Variants in MYCL observed in about 807,000 individuals in gnomAD.
MYCL encodes MYCL proto-oncogene, bHLH transcription factor, also known as protein L-Myc.
In MYCL, 11 loss-of-function variants were observed where a neutral mutation model predicts 31.0. That is an observed-to-expected ratio of 0.35 (90% confidence interval 0.22 to 0.59). The LOEUF (loss-of-function observed/expected upper bound fraction) is 0.59, where lower values mean the gene tolerates loss of function less well. Among genes scored for constraint, MYCL ranks in the 20% least tolerant of loss-of-function variants. The pLI, the probability that MYCL is intolerant of heterozygous loss-of-function variation, is 0.79. For missense variants in MYCL, 427 were observed against 486.1 expected (o/e 0.88, Z 1.14); for synonymous variants, 208 against 202.4 (o/e 1.03, Z -0.23).
rs762004670 is a variant in MYCL, at chr1:39,897,461, C to A, written c.1006G>T (p.Ala336Ser). The stretch of plus-strand genomic sequence containing the variant: ...TTCTCTGTAGCCATCCTCTTCTCAG[C>A]CCCCACCAGGGCTTGCAAGTATTCC... ...ALEYLQALVG[A>S]EKRMATEKRQ... Residue 336 changes from alanine (A) to serine (S), a missense_variant, in exon 2 of 2, where the codon GCT (alanine) becomes TCT (serine). Physicochemically the swap from Ala to Ser is moderately conservative, Grantham distance 99. Transcript: ENST00000372816. This position sits in a 1 kb window ranked among gnomAD's most constrained non-coding sequence, Gnocchi z 4.3. The A allele has an allele frequency of 1.9e-6, 3 of 1,614,184 alleles. No homozygotes were observed. In the Admixed American group the frequency reaches 5.0e-5, roughly 27 times the overall value.
chr1:39,898,958 C>A, intron 1 of MYCL: 1 of 985,480 alleles, frequency 1.0e-6, no homozygotes, highest in Non-Finnish European at 1.2e-6. Context: ...GGATCTCGGC[C>A]TCGCAAAGGA....
In MYCL at chr1:39,896,341, T is replaced by G. The variant is rs1314303164; in HGVS notation, c.*1031A>C. 5.1e-6 allele frequency: 1 copy of G among 197,804 alleles called. No homozygotes were observed. Among genetic ancestry groups the G allele is most frequent in the Non-Finnish European group, 1.0e-5 (1 of 95,598 alleles). 12.3% of individuals were successfully genotyped at this position (197,804 alleles called of 1,614,324 possible). ...CTTGGAATTGCATGAGGAGGACAGA[T>G]TTGCATGGTTCCAGAAGAACTTCAA... is the stretch of plus-strand genomic sequence containing the variant. On this transcript the variant is annotated 3_prime_UTR_variant, in exon 2 of 2. Transcript: ENST00000372816.
In MYCL at chr1:39,901,795, C is replaced by A; in HGVS notation, c.-361G>T. ...GGGACCCGCGCCCGTGCCCTGGCCACCCGCAGCCTCACCTCGCTCCAGCCG... is the reference window on the plus strand; with the variant it reads ...GGGACCCGCGCCCGTGCCCTGGCCAACCGCAGCCTCACCTCGCTCCAGCCG... On this transcript the variant is annotated 5_prime_UTR_variant, in exon 1 of 2. Transcript: ENST00000372816. The surrounding 1 kb of genome is among the most constrained non-coding windows in gnomAD (Gnocchi z 6.9). 1 of 1,279,458 alleles carries A rather than the reference C, an allele frequency of 7.8e-7. No homozygotes were observed. The highest frequency in any genetic ancestry group is 1.0e-6 in the Non-Finnish European group (1 of 1,002,572). The allele number at this position is 1,279,458 out of a possible 1,614,324, so 79.3% of individuals were successfully genotyped here.
rs1644542955 is a variant in MYCL, at chr1:39,901,729, G to C, written c.-295C>G. ...GGGCCCGGCGGGGCCGGGCGGGGGC[G>C]CGCCGTGCCCAGAAGGCAGCCTGCA... On this transcript the variant is annotated 5_prime_UTR_variant, in exon 1 of 2. Transcript: ENST00000372816. The surrounding 1 kb of genome is among the most constrained non-coding windows in gnomAD (Gnocchi z 6.9). 8 of 1,211,712 alleles carry C rather than the reference G, an allele frequency of 6.6e-6. No homozygotes were observed. The highest frequency in any genetic ancestry group is 8.2e-6 in the Non-Finnish European group (8 of 978,472). 75.1% of individuals were successfully genotyped at this position (1,211,712 alleles called of 1,614,324 possible).
intron 1 of MYCL, chr1:39,898,998 CA>C: frequency 1.1e-5 from 11 of 985,428 alleles, no homozygotes; most frequent in Non-Finnish European, 1.3e-5. Context: ...CTTTGCATAT[CA>C]GGAAGCTTGA....
At chr1:39,900,320 C>T (rs1166756388) in intron 1 of MYCL, 4 of 985,506 alleles carry the variant, frequency 4.1e-6, no homozygotes, top group African/African-American at 1.7e-5. Flanking sequence ...AAAGCTGGAG[C>T]TGACTTGTAG....
rs1049132653 is a variant in MYCL at position 39,901,235 on chromosome 1, C to T, written c.200G>A (p.Gly67Glu). The T allele has an allele frequency of 6.2e-7, 1 of 1,610,346 alleles. No homozygotes were observed. The highest frequency in any genetic ancestry group is 8.5e-7 in the Non-Finnish European group (1 of 1,178,550). The change falls in exon 1 of 2, where the codon GGG becomes GAG. Residue 67 changes from glycine (G) to glutamate (E), a missense_variant. Transcript: ENST00000372816. The surrounding 1 kb of genome is among the most constrained non-coding windows in gnomAD (Gnocchi z 6.9). ...GGATTCCGCTTCGTCTCCGGTGCAC[C>T]CTCCGGGCCACGGCTCCGGGGGACC... ...GIGPPEPWPG[G>E]CTGDEAESRG...
At chr1:39,900,777 T>C (rs1383408819) in intron 1 of MYCL, 162 bp downstream of exon 1, 6 of 1,432,268 alleles carry the variant, frequency 4.2e-6, no homozygotes, top group Non-Finnish European at 5.5e-6. Context: ...CACACCCACG[T>C]GCCAGACAGA....
chr1:39,900,451 T>G, intron 1 of MYCL: 7 of 999,746 alleles, frequency 7.0e-6, no homozygotes, highest in Non-Finnish European at 6.0e-6. Flanking sequence ...GAAGAGGGCA[T>G]TTATTATTGG....
chr1:39,901,835 C>A lies in MYCL; in HGVS notation c.-401G>T. ...CGCTCCAGCCGCCCGCCACCTGGAG[C>A]GGACCGGCTCCCCGCCGGCTCGGGG... On this transcript the variant is annotated 5_prime_UTR_variant, in exon 1 of 2. Transcript: ENST00000372816. The surrounding 1 kb of genome is among the most constrained non-coding windows in gnomAD (Gnocchi z 6.9). 1.6e-6 allele frequency: 2 copies of A among 1,264,726 alleles called. No homozygotes were observed. The highest frequency in any genetic ancestry group is 1.9e-5 in the South Asian group (1 of 52,978). 78.3% of individuals were successfully genotyped at this position (1,264,726 alleles called of 1,614,324 possible).
intron 1 of MYCL, 90 bp from the exon 2 acceptor site, chr1:39,898,060 T>C (rs543666153): frequency 1.3e-6 from 2 of 1,510,066 alleles, no homozygotes; most frequent in South Asian, 2.7e-5. Context: ...CGCTGGTGCT[T>C]GGGAAGGTAG....
At chr1:39,899,859 G>A (rs1644517944) in intron 1 of MYCL, 10 of 985,292 alleles carry the variant, frequency 1.0e-5, no homozygotes, top group Non-Finnish European at 1.2e-5. Flanking sequence ...GCTACAGTGA[G>A]CTTTCTTGGT....
At position 39,897,627 on chromosome 1, in the gene MYCL, C is replaced by T. The variant is rs2124715369; in HGVS notation, c.840G>A (p.Val280=). 1 of 1,614,206 alleles carries T rather than the reference C, an allele frequency of 6.2e-7. No homozygotes were observed. Among genetic ancestry groups the T allele is most frequent in the East Asian group, 2.2e-5 (1 of 44,884 alleles). The part of the protein sequence containing the change: ...PKPVSSDTED[V]TKRKNHNFLE... The stretch of plus-strand genomic sequence containing the variant: ...GGAAGTTGTGATTCTTCCTCTTGGT[C>T]ACATCCTCAGTATCAGAACTGACAG... The change falls in exon 2 of 2, where the codon GTG becomes GTA. Residue 280 remains valine, a synonymous_variant. Transcript: ENST00000372816. This position sits in a 1 kb window ranked among gnomAD's most constrained non-coding sequence, Gnocchi z 4.3.
At chr1:39,900,341 T>C in intron 1 of MYCL, 2 of 985,728 alleles carry the variant, frequency 2.0e-6, no homozygotes, top group Non-Finnish European at 2.4e-6. Context: ...TGATTGTCTA[T>C]CTCTAAGCCT....
rs1363884256 is a variant in MYCL, at chr1:39,896,267, C to A, written c.*1105G>T. On this transcript the variant is annotated 3_prime_UTR_variant, in exon 2 of 2. Transcript: ENST00000372816. ...CAGATTCTGGGAAAGATATCTGATT[C>A]ATGGCAGGCTGGAAGGGGCCCAAGG... is the stretch of plus-strand genomic sequence containing the variant. The A allele has an allele frequency of 1.0e-5, 2 of 197,710 alleles. No homozygotes were observed. The highest frequency in any genetic ancestry group is 1.6e-4 in the East Asian group (2 of 12,606). The allele number at this position is 197,710 out of a possible 1,614,324, so 12.2% of individuals were successfully genotyped here.
chr1:39,898,738 A>G (rs1427136873), intron 1 of MYCL: 1 of 985,362 alleles, frequency 1.0e-6, no homozygotes, highest in Non-Finnish European at 1.2e-6. Flanking sequence ...CCATTTCCAA[A>G]CTACCTGCAC....
chr1:39,897,673 G>T lies in MYCL; in HGVS notation c.794C>A (p.Ala265Asp), dbSNP rs753452130. The change falls in exon 2 of 2, where the codon GCC (alanine) becomes GAC (aspartate). Residue 265 changes from alanine (A) to aspartate (D), a missense_variant. Physicochemically the swap from Ala to Asp is moderately radical, Grantham distance 126 (BLOSUM62 -2). Transcript: ENST00000372816. The surrounding 1 kb of genome is among the most constrained non-coding windows in gnomAD (Gnocchi z 4.3). ...VSPPPVESEA[A>D]QSCHPKPVSS... ...GACAGGTTTGGGGTGGCAGGACTGG[G>T]CAGCCTCACTTTCTACAGGTGGGGG... is the stretch of plus-strand genomic sequence containing the variant. 1 of 1,614,170 alleles carries T rather than the reference G, an allele frequency of 6.2e-7. No individual in the cohort carries two copies. The highest frequency in any genetic ancestry group is 1.1e-5 in the South Asian group (1 of 91,086).
At position 39,895,998 on chromosome 1, in the gene MYCL, C is replaced by T; in HGVS notation, c.*1374G>A. ...AGTTCTGGAGGGGCTGCTGGTCCTT[C>T]TTCCAGGACAGGCTTAGAGGTGCCT... On this transcript the variant is annotated 3_prime_UTR_variant, in exon 2 of 2. Transcript: ENST00000372816. 1 of 219,856 alleles carries T rather than the reference C, an allele frequency of 4.5e-6. No individual in the cohort carries two copies. 13.6% of individuals were successfully genotyped at this position (219,856 alleles called of 1,614,324 possible). A position where few individuals can be genotyped will look rare whatever the true frequency, so the allele number is the denominator to read the frequency against.
chr1:39,900,971 G>T lies in MYCL; in HGVS notation c.464C>A (p.Ala155Asp), dbSNP rs1644531202. Reference protein sequence around the residue: ...PCPLGEPKTQACSGSESPSDS... With the variant: ...PCPLGEPKTQDCSGSESPSDS... ...GCTTGGGCTCTCGGACCCGGAGCAG[G>T]CCTGGGTCTTGGGTTCGCCCAGCGG... is the stretch of plus-strand genomic sequence containing the variant. The change falls in exon 1 of 2, where the codon GCC becomes GAC. Residue 155 changes from alanine (A) to aspartate (D), a missense_variant. By Grantham distance (126) the Ala-to-Asp change is moderately radical. Transcript: ENST00000372816. 6.7e-7 allele frequency: 1 copy of T among 1,495,288 alleles called. No individual in the cohort carries two copies. The highest frequency in any genetic ancestry group is 1.4e-5 in the African/African-American group (1 of 70,462). 92.6% of individuals were successfully genotyped at this position (1,495,288 alleles called of 1,614,324 possible).
Sources: allele counts gnomAD v4.1 joint callset, GRCh38; gene constraint gnomAD v4.1.1; non-coding constraint Gnocchi (gnomAD v3.1); transcripts MANE v1.5; gene names NCBI Gene and HGNC (gene_info 2026-07-23, HGNC 2026-07-21).